Variants in SLC5A4 observed in about 807,000 individuals in gnomAD.
The protein encoded by SLC5A4 is probable glucose sensor protein SLC5A4.
Under a neutral mutation model 70.3 loss-of-function variants are expected in SLC5A4, and 55 were observed. The ratio of observed to expected loss-of-function variants is 0.78; its 90% CI spans 0.63 to 0.98. SLC5A4 has a LOEUF of 0.98. Among genes scored for constraint, SLC5A4 ranks in the 50% least tolerant of loss-of-function variants. The pLI is 0.00. For synonymous variants in SLC5A4, 268 were observed against 305.7 expected (o/e 0.88, Z 1.29); for missense variants, 735 against 839.2 (o/e 0.88, Z 1.53).
the SLC5A4 span, among the ~76,000 whole-genome samples, chr22:32,316,451 C>CA: frequency 6.6e-6 from 1 of 151,976 alleles, no homozygotes; most frequent in Admixed American, 6.6e-5. Context: ...GTTCATGTAC[C>CA]AAATAGCATA....
At chr22:32,336,036 A>G in the SLC5A4 span, among the ~76,000 whole-genome samples, 2 of 152,198 alleles carry the variant, frequency 1.3e-5, no homozygotes, top group African/African-American at 4.8e-5. Flanking sequence ...AGTGGGTGAA[A>G]TAAAGTAGAA....
the SLC5A4 span, among the ~76,000 whole-genome samples, chr22:32,330,660 GGTGT>G: frequency 3.7e-5 from 4 of 109,316 alleles, no homozygotes; most frequent in African/African-American, 1.5e-4. Flanking sequence ...TTGGGGCTCT[GGTGT>G]GTGTGTTAGG....
chr22:32,313,692 A>G, the SLC5A4 span, among the ~76,000 whole-genome samples: 1 of 152,300 alleles, frequency 6.6e-6, no homozygotes, highest in Non-Finnish European at 1.5e-5. Context: ...CCCTGTGTCT[A>G]TTACAAGAGC....
intron 2 of SLC5A4, among the ~76,000 whole-genome samples, chr22:32,253,021 C>G (rs1172543222): frequency 6.6e-6 from 1 of 152,184 alleles, no homozygotes; most frequent in African/African-American, 2.4e-5. Context: ...ATCGCTTGAG[C>G]CTCCTTGCAT....
chr22:32,294,228 T>G, the SLC5A4 span, among the ~76,000 whole-genome samples: 272 of 152,348 alleles, frequency 1.8e-3, no homozygotes, highest in African/African-American at 6.3e-3. Flanking sequence ...CTAAGTACTT[T>G]TCTGTGTTTT....
the SLC5A4 span, chr22:32,270,551 C>T: frequency 5.6e-6 from 4 of 719,102 alleles, no homozygotes; most frequent in Non-Finnish European, 1.0e-5. Context: ...GAAGACTCAA[C>T]CATATTCCCG....
At chr22:32,229,644 G>A (rs1235254152) in intron 10 of SLC5A4, among the ~76,000 whole-genome samples, 1 of 152,138 alleles carries the variant, frequency 6.6e-6, no homozygotes, top group Non-Finnish European at 1.5e-5. Context: ...CCAGAGGCTG[G>A]GAAGAGTAAT....
chr22:32,224,872 T>A (rs556011446), intron 12 of SLC5A4, among the ~76,000 whole-genome samples: 1 of 152,172 alleles, frequency 6.6e-6, no homozygotes, highest in Non-Finnish European at 1.5e-5. Context: ...GTTTTGAGAG[T>A]TCTATGAAGC....
At chr22:32,288,640 G>A in the SLC5A4 span, among the ~76,000 whole-genome samples, 10 of 151,942 alleles carry the variant, frequency 6.6e-5, no homozygotes, top group African/African-American at 9.7e-5. Context: ...TCTGCCTCCC[G>A]GGTTCAAGTG....
At chr22:32,343,297 T>C in the SLC5A4 span, among the ~76,000 whole-genome samples, 5 of 152,304 alleles carry the variant, frequency 3.3e-5, no homozygotes, top group South Asian at 8.3e-4. Context: ...GATGGGGCCT[T>C]TGGGGAAGAC....
chr22:32,309,317 C>A, the SLC5A4 span, among the ~76,000 whole-genome samples: 2 of 152,218 alleles, frequency 1.3e-5, no homozygotes, highest in African/African-American at 4.8e-5. Context: ...CGCGGTAGTT[C>A]TGCAAAGCAG....
chr22:32,292,884 G>C, the SLC5A4 span, among the ~76,000 whole-genome samples: 1 of 152,006 alleles, frequency 6.6e-6, no homozygotes, highest in Non-Finnish European at 1.5e-5. Flanking sequence ...AAATTTCCCA[G>C]TATAATTGTG....
the SLC5A4 span, among the ~76,000 whole-genome samples, chr22:32,265,748 G>A: frequency 1.1e-4 from 17 of 152,162 alleles, no homozygotes; most frequent in Admixed American, 2.0e-4. Context: ...GGAGAGGAAC[G>A]AGAAACGCTT....
chr22:32,304,483 C>T, the SLC5A4 span, among the ~76,000 whole-genome samples: 2 of 152,216 alleles, frequency 1.3e-5, no homozygotes, highest in African/African-American at 4.8e-5. Context: ...CTCACTGTAG[C>T]TACCAGGCTG....
the SLC5A4 span, among the ~76,000 whole-genome samples, chr22:32,346,309 T>C: frequency 6.6e-6 from 1 of 152,192 alleles, no homozygotes; most frequent in South Asian, 2.1e-4. Context: ...AGAAAAGATA[T>C]TATTGTCGCT....
chr22:32,285,979 G>C, the SLC5A4 span, among the ~76,000 whole-genome samples: 1 of 152,192 alleles, frequency 6.6e-6, no homozygotes, highest in Admixed American at 6.5e-5. Context: ...CTCATGATCT[G>C]CCTGCCTCGG....
chr22:32,234,810 G>C, intron 8 of SLC5A4, 63 bp downstream of exon 8: 1 of 1,173,276 alleles, frequency 8.5e-7, no homozygotes. Flanking sequence ...ACAAGCACAT[G>C]CACACATACA....
At chr22:32,319,130 A>T in the SLC5A4 span, among the ~76,000 whole-genome samples, 1 of 152,206 alleles carries the variant, frequency 6.6e-6, no homozygotes, top group Admixed American at 6.5e-5. Context: ...CTTTAGACTC[A>T]GGGTGGGACT....
At chr22:32,274,043 T>G in the SLC5A4 span, among the ~76,000 whole-genome samples, 10 of 142,034 alleles carry the variant, frequency 7.0e-5, no homozygotes, top group African/African-American at 2.5e-4. Flanking sequence ...GATATTCTAT[T>G]TTTTTTTTTT....
Sources: allele counts gnomAD v4.1 joint callset (sites outside exome capture counted in the v4.1 genomes callset), GRCh38; gene constraint gnomAD v4.1.1; transcripts MANE v1.5; gene names NCBI Gene and HGNC (gene_info 2026-07-23, HGNC 2026-07-21).